CDC42BPA: variants seen among roughly 807,000 people sequenced by gnomAD.
CDC42BPA encodes the protein serine/threonine-protein kinase MRCK alpha.
Under a neutral mutation model 223.5 loss-of-function variants are expected in CDC42BPA, and 80 were observed. The observed-to-expected ratio is 0.36, with a 90% CI of 0.30 to 0.43. The LOEUF (loss-of-function observed/expected upper bound fraction) is 0.43, where lower values mean the gene tolerates loss of function less well. Among genes scored for constraint, CDC42BPA ranks in the 20% least tolerant of loss-of-function variants. The pLI is 1.00. For synonymous variants in CDC42BPA, 694 were observed against 718.6 expected, an observed-to-expected ratio of 0.97 and a Z score of 0.55; for missense variants, 1,743 against 2,099.9, an observed-to-expected ratio of 0.83 and a Z score of 3.32.
At chr1:227,156,522 A>G (rs1662844300) in intron 6 of CDC42BPA, among the ~76,000 whole-genome samples, 1 of 151,542 alleles carries the variant, frequency 6.6e-6, no homozygotes, top group Non-Finnish European at 1.5e-5. Context: ...GTCCAACTTG[A>G]TATTATGTCC....
chr1:227,317,527 AACT>A lies in CDC42BPA; in HGVS notation c.-348_-346del. On this transcript the variant is annotated 5_prime_UTR_variant, in exon 1 of 37. Transcript: ENST00000366766. ...ACACTTCTTTAAAAAAAAAAAAAAA[AACT>A]CTTCTCCTTCATTCAAAATTCAACT... The A allele has an allele frequency of 2.5e-6, 1 of 394,870 alleles. No individual in the cohort carries two copies. Among genetic ancestry groups the A allele is most frequent in the Non-Finnish European group, 4.4e-6 (1 of 225,434 alleles). The allele number at this position is 394,870 out of a possible 1,614,324, so 24.5% of individuals were successfully genotyped here.
chr1:227,075,069 G>A (rs887729171), intron 17 of CDC42BPA, among the ~76,000 whole-genome samples: 3 of 152,124 alleles, frequency 2.0e-5, no homozygotes, highest in Non-Finnish European at 4.4e-5. Context: ...GGTGAGGGGA[G>A]GAGTCCAGCA....
chr1:227,074,046 C>A (rs372509569), intron 18 of CDC42BPA, 34 bp from the exon 19 acceptor site: 1 of 1,591,756 alleles, frequency 6.3e-7, no homozygotes, highest in Middle Eastern at 1.7e-4. Flanking sequence ...TAGTTCCATC[C>A]TATTTTTAAC....
chr1:226,998,037 C>T (rs1374682938), intron 35 of CDC42BPA, among the ~76,000 whole-genome samples: 1 of 152,116 alleles, frequency 6.6e-6, no homozygotes, highest in Non-Finnish European at 1.5e-5. Context: ...AGTGAACTCC[C>T]ATTACAATTG....
At chr1:227,161,013 C>A (rs1470278740) in intron 5 of CDC42BPA, among the ~76,000 whole-genome samples, 2 of 152,132 alleles carry the variant, frequency 1.3e-5, no homozygotes, top group African/African-American at 4.8e-5. Context: ...TGAAACTGGA[C>A]AGGGAAAAAT....
intron 5 of CDC42BPA, among the ~76,000 whole-genome samples, chr1:227,181,698 A>T (rs1331431528): frequency 6.6e-6 from 1 of 152,182 alleles, no homozygotes; most frequent in Non-Finnish European, 1.5e-5. Flanking sequence ...TACCCAAGAA[A>T]ATAGCTAGAA....
intron 14 of CDC42BPA, among the ~76,000 whole-genome samples, chr1:227,102,720 A>G (rs1250723675): frequency 6.6e-6 from 1 of 152,200 alleles, no homozygotes; most frequent in Non-Finnish European, 1.5e-5. Flanking sequence ...TCTGTAAAAA[A>G]GAAAAACCTA....
At chr1:227,028,381 T>G (rs953751838) in intron 30 of CDC42BPA, among the ~76,000 whole-genome samples, 1 of 152,194 alleles carries the variant, frequency 6.6e-6, no homozygotes, top group African/African-American at 2.4e-5. Flanking sequence ...CTGGGTTATT[T>G]CAAAATATGA....
intron 2 of CDC42BPA, among the ~76,000 whole-genome samples, chr1:227,237,589 C>T (rs1434519472): frequency 1.3e-5 from 2 of 152,128 alleles, no homozygotes; most frequent in Admixed American, 6.5e-5. Context: ...TTTATTCAAC[C>T]GGTTGCCTAA....
At chr1:227,212,819 G>A (rs556705716) in intron 3 of CDC42BPA, among the ~76,000 whole-genome samples, 3 of 152,250 alleles carry the variant, frequency 2.0e-5, no homozygotes, top group Non-Finnish European at 4.4e-5. Context: ...AACAAGTTAC[G>A]TCACGTTAGA....
chr1:227,079,312 T>C (rs1680158113), intron 17 of CDC42BPA, among the ~76,000 whole-genome samples: 1 of 152,232 alleles, frequency 6.6e-6, no homozygotes, highest in East Asian at 1.9e-4. Context: ...AAAACTTTCA[T>C]CTTCACCCTT....
intron 3 of CDC42BPA, among the ~76,000 whole-genome samples, chr1:227,207,732 A>G (rs1281117919): frequency 4.1e-5 from 6 of 148,096 alleles, no homozygotes; most frequent in Admixed American, 2.0e-4. Flanking sequence ...TCCATGGTGT[A>G]TATGTGCCAC....
rs144665080 is a variant in CDC42BPA, at chr1:227,234,017, G to A, written c.270+20047C>T. ...GTAGAATTCTCTATTTATCTTTTAG[G>A]TTCAGCAAGATAACATGTCCTTAAA... On this transcript the variant is annotated intron_variant, in intron 2 of 36. Transcript: ENST00000366766. Among the ~76,000 whole-genome samples, 5 of 152,242 alleles carry A rather than the reference G, an allele frequency of 3.3e-5. No homozygotes were observed. The East Asian group carries it at 9.7e-4, about 29-fold the overall frequency.
At chr1:227,261,118 G>GTTTTTATTTTTTTTTT (rs1351313489) in intron 1 of CDC42BPA, among the ~76,000 whole-genome samples, 2 of 51,168 alleles carry the variant, frequency 3.9e-5, no homozygotes, top group South Asian at 9.4e-4. Flanking sequence ...GAATAATTGA[G>GTTTTTATTTTTTTTTT]TTTTTCTTTT....
Position 227,153,167 on chromosome 1 carries a change from CA to C in CDC42BPA, c.694-5609del, listed in dbSNP as rs934907825. Among the ~76,000 whole-genome samples, 15 of 150,586 alleles carry C rather than the reference CA, an allele frequency of 1.0e-4. 1 individual carries two copies. The highest frequency in any genetic ancestry group is 3.4e-4 in the African/African-American group (14 of 41,018). On this transcript the variant is annotated intron_variant, in intron 6 of 36. Coordinates refer to ENST00000366766, the MANE Select transcript of CDC42BPA (RefSeq NM_001394014.1). Reference sequence around the variant, plus strand: ...CAGAGAAATAAAATGGTTAAGAACACAAAAAAACTGAATGACAAAATTAGCA... The same window carrying C: ...CAGAGAAATAAAATGGTTAAGAACACAAAAAACTGAATGACAAAATTAGCA...
intron 9 of CDC42BPA, 97 bp from the exon 10 acceptor site, chr1:227,139,839 A>G (rs1659359371): frequency 1.7e-6 from 1 of 599,564 alleles, no homozygotes; most frequent in Non-Finnish European, 2.5e-6. Flanking sequence ...CTGACTCCAC[A>G]TTTATGGCAA....
Position 226,993,378 on chromosome 1 carries a change from T to G in CDC42BPA, c.*890A>C, listed in dbSNP as rs1038717375. ...GGAAAAGAAACATCTTGGGTAGAGA[T>G]GAGTTCGCCTTTTGCTGCTGCTGCT... On this transcript the variant is annotated 3_prime_UTR_variant, in exon 37 of 37. Transcript: ENST00000366766. 1 of 152,248 alleles carries G rather than the reference T, an allele frequency of 6.6e-6. No individual in the cohort carries two copies. Among genetic ancestry groups the G allele is most frequent in the African/African-American group, 2.4e-5 (1 of 41,450 alleles). The allele number at this position is 152,248 out of a possible 1,614,324, so 9.4% of individuals were successfully genotyped here. A position where few individuals can be genotyped will look rare whatever the true frequency, so the allele number is the denominator to read the frequency against.
intron 2 of CDC42BPA, among the ~76,000 whole-genome samples, chr1:227,228,571 T>C (rs534702931): frequency 1.3e-5 from 2 of 152,358 alleles, no homozygotes; most frequent in Non-Finnish European, 2.9e-5. Flanking sequence ...CTGGATCATA[T>C]GGTAATTCTA....
At chr1:227,073,660 C>T (rs1020037127) in intron 19 of CDC42BPA, among the ~76,000 whole-genome samples, 1 of 152,004 alleles carries the variant, frequency 6.6e-6, no homozygotes, top group African/African-American at 2.4e-5. Flanking sequence ...ACTTTATGGA[C>T]AAGCCAGAGG....
Sources: gnomAD v4.1 joint callset for allele counts (sites outside exome capture counted in the v4.1 genomes callset) on GRCh38, gnomAD v4.1.1 for gene constraint, MANE v1.5 for transcripts, NCBI Gene and HGNC (gene_info 2026-07-23, HGNC 2026-07-21) for gene names.